The following SMYD3 variants were observed in gnomAD, a reference collection of about 807,000 sequenced individuals.
SMYD3 encodes the protein SET and MYND domain containing 3, also known as histone-lysine N-methyltransferase SMYD3.
A neutral mutation model predicts 57.7 loss-of-function variants in SMYD3; 36 were observed. The observed-to-expected ratio is 0.62, with a 90% CI of 0.48 to 0.82. SMYD3 has a LOEUF of 0.82. Among genes scored for constraint, SMYD3 ranks in the 40% least tolerant of loss-of-function variants. SMYD3 has a pLI of 0.00. For synonymous variants in SMYD3, 211 were observed against 195.0 expected (o/e 1.08, Z -0.68); for missense variants, 515 against 538.8 (o/e 0.96, Z 0.44).
chr1:246,449,471 T>C (rs895825074), intron 1 of SMYD3, among the ~76,000 whole-genome samples: 1 of 152,194 alleles, frequency 6.6e-6, no homozygotes, highest in Non-Finnish European at 1.5e-5. Flanking sequence ...GACAGTGTGA[T>C]ATGGGGCAGG....
intron 8 of SMYD3, among the ~76,000 whole-genome samples, chr1:245,881,246 C>T (rs1048384663): frequency 1.4e-4 from 22 of 152,040 alleles, no homozygotes; most frequent in African/African-American, 5.1e-4. Flanking sequence ...GAAAGAACAC[C>T]AGGGGCATGA....
chr1:245,770,766 T>C (rs1056052059), intron 10 of SMYD3, among the ~76,000 whole-genome samples: 11 of 152,178 alleles, frequency 7.2e-5, no homozygotes, highest in Non-Finnish European at 1.3e-4. Context: ...TTAAATAATA[T>C]GTAAGAATTT....
chr1:246,441,831 G>A (rs1279092203), intron 1 of SMYD3, among the ~76,000 whole-genome samples: 2 of 152,162 alleles, frequency 1.3e-5, no homozygotes, highest in African/African-American at 4.8e-5. Flanking sequence ...AGGCTGGTCT[G>A]CAACTCCTGG....
chr1:246,281,422 C>G (rs1284585497), intron 5 of SMYD3, among the ~76,000 whole-genome samples: 1 of 152,176 alleles, frequency 6.6e-6, no homozygotes, highest in Non-Finnish European at 1.5e-5. Flanking sequence ...TACTCAGTAA[C>G]TCTGTGAGAT....
rs200669370 is a variant in SMYD3 at position 246,378,616 on chromosome 1, GTTAATAC to G, written c.165-23529_165-23523del. Among the ~76,000 whole-genome samples, 1,222 of 138,820 alleles carry G rather than the reference GTTAATAC, an allele frequency of 8.8e-3. 25 individuals are homozygous for G. The highest frequency in any genetic ancestry group is 0.031 in the African/African-American group (1,132 of 36,386). The allele number at this position is 138,820 out of a possible 152,430, so 91.1% of individuals were successfully genotyped here. On this transcript the variant is annotated intron_variant, in intron 1 of 11. Transcript: ENST00000490107. ...ATTGTGAGACCTTGTGATTGTGTGA[GTTAATAC>G]TTAATAATCTCCCCTTCATATATAT...
At chr1:245,995,904 A>G (rs2058920837) in intron 5 of SMYD3, among the ~76,000 whole-genome samples, 2 of 152,236 alleles carry the variant, frequency 1.3e-5, no homozygotes, top group African/African-American at 4.8e-5. Context: ...ATGAGCCCAG[A>G]ACCCTGAGAA....
intron 5 of SMYD3, among the ~76,000 whole-genome samples, chr1:246,007,627 C>T (rs188829302): frequency 4.8e-4 from 72 of 149,796 alleles, no homozygotes; most frequent in Admixed American, 1.6e-3. Flanking sequence ...CTGGGCAACA[C>T]GGCGAAACCC....
At chr1:246,211,438 T>G (rs1177109029) in intron 5 of SMYD3, among the ~76,000 whole-genome samples, 1 of 152,156 alleles carries the variant, frequency 6.6e-6, no homozygotes, top group Non-Finnish European at 1.5e-5. Flanking sequence ...GTCTTGGTCA[T>G]GTTCTTATTA....
intron 5 of SMYD3, among the ~76,000 whole-genome samples, chr1:246,239,447 A>G (rs1261807254): frequency 4.6e-5 from 7 of 152,198 alleles, no homozygotes; most frequent in Non-Finnish European, 7.3e-5. Flanking sequence ...TTATGGCTGC[A>G]TAGTATTCCA....
At chr1:246,261,533 A>T (rs2064012788) in intron 5 of SMYD3, among the ~76,000 whole-genome samples, 1 of 152,178 alleles carries the variant, frequency 6.6e-6, no homozygotes, top group South Asian at 2.1e-4. Flanking sequence ...CAAGACCCAT[A>T]GAATTTAAAC....
At chr1:246,054,396 T>C (rs768326303) in intron 5 of SMYD3, among the ~76,000 whole-genome samples, 5 of 152,150 alleles carry the variant, frequency 3.3e-5, no homozygotes, top group Non-Finnish European at 7.3e-5. Flanking sequence ...ACTAACCATA[T>C]AACGTAGCCA....
intron 5 of SMYD3, among the ~76,000 whole-genome samples, chr1:246,012,227 A>C (rs187073602): frequency 6.6e-6 from 1 of 152,318 alleles, no homozygotes; most frequent in Admixed American, 6.5e-5. Flanking sequence ...AAAGCGTTGA[A>C]AACCACACAC....
intron 5 of SMYD3, among the ~76,000 whole-genome samples, chr1:246,149,679 T>C (rs1007359068): frequency 1.3e-5 from 2 of 152,192 alleles, no homozygotes; most frequent in African/African-American, 4.8e-5. Context: ...TGTTACCATG[T>C]TTTAAAAATT....
intron 1 of SMYD3, among the ~76,000 whole-genome samples, chr1:246,439,285 G>A (rs1044555038): frequency 1.3e-5 from 2 of 152,028 alleles, no homozygotes; most frequent in African/African-American, 4.8e-5. Context: ...TCCAAGCCTG[G>A]CTGCATCCAC....
chr1:245,873,739 T>TG (rs1192708996), intron 8 of SMYD3, among the ~76,000 whole-genome samples: 1 of 152,202 alleles, frequency 6.6e-6, no homozygotes, highest in Non-Finnish European at 1.5e-5. Context: ...AACCTAGATG[T>TG]GGCCACTCCA....
chr1:245,820,169 C>T (rs2049079829), intron 10 of SMYD3, among the ~76,000 whole-genome samples: 1 of 150,480 alleles, frequency 6.6e-6, no homozygotes, highest in African/African-American at 2.4e-5. Context: ...AAAACAAATC[C>T]AGCAGCACAT....
At chr1:246,191,276 G>A (rs192952689) in intron 5 of SMYD3, among the ~76,000 whole-genome samples, 3 of 152,256 alleles carry the variant, frequency 2.0e-5, no homozygotes, top group East Asian at 1.9e-4. Flanking sequence ...ATCATTCCTC[G>A]TTTGGTGGAC....
At chr1:245,955,214 C>G (rs1440996310) in intron 5 of SMYD3, among the ~76,000 whole-genome samples, 5 of 152,062 alleles carry the variant, frequency 3.3e-5, no homozygotes, top group Admixed American at 2.6e-4. Flanking sequence ...GCCTCAGCCT[C>G]CTGAGTAGCT....
intron 5 of SMYD3, among the ~76,000 whole-genome samples, chr1:246,288,438 C>T (rs1180904992): frequency 6.6e-6 from 1 of 152,128 alleles, no homozygotes; most frequent in Non-Finnish European, 1.5e-5. Context: ...CCTACAGCCC[C>T]ATGCGTATGT....
Sources: allele counts gnomAD v4.1 joint callset (sites outside exome capture counted in the v4.1 genomes callset), GRCh38; gene constraint gnomAD v4.1.1; transcripts MANE v1.5; gene names NCBI Gene and HGNC (gene_info 2026-07-23, HGNC 2026-07-21).